Variants in PRKN observed in about 807,000 individuals in gnomAD.
PRKN encodes the protein E3 ubiquitin-protein ligase parkin.
A neutral mutation model predicts 59.5 loss-of-function variants in PRKN; 56 were observed. The observed-to-expected ratio is 0.94, with a 90% CI of 0.76 to 1.18. The LOEUF (loss-of-function observed/expected upper bound fraction) is 1.18. Among genes scored for constraint, PRKN ranks in the 50% most tolerant of loss-of-function variants. The pLI, the probability that PRKN is intolerant of heterozygous loss-of-function variation, is 0.00. For synonymous variants in PRKN, 250 were observed against 222.1 expected, an observed-to-expected ratio of 1.13 and a Z score of -1.12; for missense variants, 657 against 596.4, an observed-to-expected ratio of 1.10 and a Z score of -1.06.
intron 7 of PRKN, among the ~76,000 whole-genome samples, chr6:161,598,827 C>T (rs780855363): frequency 6.6e-6 from 1 of 152,180 alleles, no homozygotes; most frequent in Non-Finnish European, 1.5e-5. Context: ...GTTGAATTTA[C>T]TCCCCAAAGA....
At chr6:161,664,793 CTT>C (rs60215581) in intron 7 of PRKN, among the ~76,000 whole-genome samples, 4 of 145,364 alleles carry the variant, frequency 2.8e-5, no homozygotes, top group Admixed American at 6.8e-5. Flanking sequence ...CTGACTTTTT[CTT>C]TTTTTTTTTT....
chr6:162,239,009 C>T (rs1349001943), intron 3 of PRKN, among the ~76,000 whole-genome samples: 5 of 152,108 alleles, frequency 3.3e-5, no homozygotes, highest in South Asian at 2.1e-4. Context: ...CAAAATGAAG[C>T]GCACAAGTAT....
chr6:162,639,009 T>C (rs554506828), intron 1 of PRKN, among the ~76,000 whole-genome samples: 2 of 152,134 alleles, frequency 1.3e-5, no homozygotes, highest in East Asian at 1.9e-4. Context: ...CTTTCATACA[T>C]ATCTCTATGC....
intron 2 of PRKN, among the ~76,000 whole-genome samples, chr6:162,393,738 T>C (rs759280340): frequency 7.2e-5 from 11 of 152,210 alleles, no homozygotes; most frequent in Non-Finnish European, 8.8e-5. Flanking sequence ...GGATATACAT[T>C]ACTTCAAATA....
chr6:162,223,971 C>T (rs1382118675), intron 3 of PRKN, among the ~76,000 whole-genome samples: 1 of 152,036 alleles, frequency 6.6e-6, no homozygotes, highest in Non-Finnish European at 1.5e-5. Flanking sequence ...TGGCTGTGTT[C>T]GTGGTGTGGT....
chr6:161,526,857 G>T lies in PRKN; in HGVS notation c.1083+21997C>A, dbSNP rs186991355. On this transcript the variant is annotated intron_variant, in intron 9 of 11. Transcript: ENST00000366898. The surrounding 1 kb of genome is among the most constrained non-coding windows in gnomAD (Gnocchi z 4.1). ...AGTCCCTCAAAATATAAGGCTCAAA[G>T]AAGGGGTAGGTAATTGGAGTTTATA... Among the ~76,000 whole-genome samples the T allele has an allele frequency of 5.3e-5, 8 of 152,268 alleles. No individual in the cohort carries two copies. The highest frequency in any genetic ancestry group is 2.0e-4 in the Admixed American group (3 of 15,294).
chr6:162,332,008 G>A (rs893246840), intron 2 of PRKN, among the ~76,000 whole-genome samples: 1 of 152,108 alleles, frequency 6.6e-6, no homozygotes, highest in South Asian at 2.1e-4. Flanking sequence ...TGCCAGTCTT[G>A]TGACCTATGT....
At chr6:162,456,130 T>C (rs1467979736) in intron 1 of PRKN, among the ~76,000 whole-genome samples, 1 of 152,162 alleles carries the variant, frequency 6.6e-6, no homozygotes, top group Non-Finnish European at 1.5e-5. Flanking sequence ...ATTAAAAGAA[T>C]GAAGTTGCTA....
At chr6:161,573,771 T>A (rs1290985255) in intron 7 of PRKN, among the ~76,000 whole-genome samples, 1 of 66,038 alleles carries the variant, frequency 1.5e-5, no homozygotes, top group Non-Finnish European at 2.5e-5. Flanking sequence ...TATATATATA[T>A]ATATATATAT....
At chr6:161,621,183 A>G (rs1020161607) in intron 7 of PRKN, among the ~76,000 whole-genome samples, 1 of 152,166 alleles carries the variant, frequency 6.6e-6, no homozygotes, top group Non-Finnish European at 1.5e-5. Flanking sequence ...AGACAGAAGC[A>G]ATAGGATAGA....
intron 2 of PRKN, among the ~76,000 whole-genome samples, chr6:162,332,293 C>T (rs1324152106): frequency 6.6e-6 from 1 of 152,160 alleles, no homozygotes; most frequent in African/African-American, 2.4e-5. Flanking sequence ...CAGCAGCTTC[C>T]CCTGCAGAAA....
chr6:162,339,403 CCGCCCGGCCAGCCGCCCCG>C (rs1784047193), intron 2 of PRKN, among the ~76,000 whole-genome samples: 2 of 148,106 alleles, frequency 1.4e-5, no homozygotes, highest in Non-Finnish European at 3.0e-5. Flanking sequence ...GGTCAGCCCC[CCGCCCGGCCAGCCGCCCCG>C]TCCGGGAGGT....
At chr6:161,896,374 C>A (rs924109397) in intron 6 of PRKN, among the ~76,000 whole-genome samples, 1 of 152,168 alleles carries the variant, frequency 6.6e-6, no homozygotes, top group East Asian at 1.9e-4. Context: ...GTGCCCTGAG[C>A]TCTGACACTG....
intron 1 of PRKN, among the ~76,000 whole-genome samples, chr6:162,460,895 A>T (rs1791120149): frequency 6.6e-6 from 1 of 152,168 alleles, no homozygotes. Flanking sequence ...TTATATTTCA[A>T]CCTTTAATAT....
intron 10 of PRKN, among the ~76,000 whole-genome samples, chr6:161,367,551 A>T (rs1346621109): frequency 2.7e-5 from 4 of 150,724 alleles, no homozygotes; most frequent in African/African-American, 9.8e-5. Context: ...CAGTTCTGTT[A>T]TCTAACTTAG....
intron 3 of PRKN, among the ~76,000 whole-genome samples, chr6:162,238,349 T>C (rs1000848339): frequency 2.0e-5 from 3 of 152,180 alleles, no homozygotes; most frequent in Admixed American, 2.0e-4. Flanking sequence ...CTATACCATC[T>C]AGATTTGTGT....
intron 1 of PRKN, among the ~76,000 whole-genome samples, chr6:162,505,186 G>A (rs1306677404): frequency 1.3e-5 from 2 of 152,072 alleles, no homozygotes; most frequent in Admixed American, 6.6e-5. Context: ...TAGCAACTTC[G>A]TACCTATGTT....
At chr6:161,925,970 A>T (rs1384031427) in intron 6 of PRKN, among the ~76,000 whole-genome samples, 2 of 152,208 alleles carry the variant, frequency 1.3e-5, no homozygotes, top group Non-Finnish European at 2.9e-5. Flanking sequence ...TATTATTCCC[A>T]ATTTAAAATT....
At chr6:161,753,706 C>CA (rs1221667893) in intron 7 of PRKN, among the ~76,000 whole-genome samples, 2 of 152,076 alleles carry the variant, frequency 1.3e-5, no homozygotes, top group East Asian at 1.9e-4. Flanking sequence ...CCAATGGGGG[C>CA]GGGGGGGCTC....
Sources: allele counts gnomAD v4.1 joint callset (sites outside exome capture counted in the v4.1 genomes callset), GRCh38; gene constraint gnomAD v4.1.1; non-coding constraint Gnocchi (gnomAD v3.1); transcripts MANE v1.5; gene names NCBI Gene and HGNC (gene_info 2026-07-23, HGNC 2026-07-21).